The following PFKP variants were observed in gnomAD, a reference collection of about 807,000 sequenced individuals.
The protein encoded by PFKP is ATP-dependent 6-phosphofructokinase, platelet type.
Under a neutral mutation model 94.3 loss-of-function variants are expected in PFKP, and 101 were observed. That is an observed-to-expected ratio of 1.07 (90% CI 0.91 to 1.26). The LOEUF (loss-of-function observed/expected upper bound fraction) is 1.26. Among genes scored for constraint, PFKP ranks in the 50% most tolerant of loss-of-function variants. The pLI is 0.00. For synonymous variants in PFKP, 573 were observed against 432.6 expected (o/e 1.32, Z -4.03); for missense variants, 1,145 against 1,103.3 (o/e 1.04, Z -0.53).
chr10:3,115,403 G>A lies in PFKP; in HGVS notation c.1372-1373G>A, dbSNP rs12572060. On this transcript the variant is annotated intron_variant, in intron 13 of 21. Coordinates refer to ENST00000381125, the MANE Select transcript of PFKP (RefSeq NM_002627.5). ...CTGAGAACAGGACTGGGGATGCCGG[G>A]GTGAAGGTGTGTGTCCCGCCATGGA... Among the ~76,000 whole-genome samples, 582 of 59,976 alleles carry A rather than the reference G, an allele frequency of 9.7e-3. 27 individuals are homozygous for A. The highest frequency in any genetic ancestry group is 0.016 in the African/African-American group (341 of 21,218). 39.3% of individuals were successfully genotyped at this position (59,976 alleles called of 152,430 possible). A position where few individuals can be genotyped will look rare whatever the true frequency, so the allele number is the denominator to read the frequency against.
Position 3,133,237 on chromosome 10 carries a change from T to G in PFKP, c.1945T>G (p.Phe649Val). The stretch of plus-strand genomic sequence containing the variant: ...CTGCAGTGAAAACTACACCACCGAC[T>G]TCATTTACCAGCTGTATTCAGAAGA... Reference protein sequence around the residue: ...ESCSENYTTDFIYQLYSEEGK... With the variant: ...ESCSENYTTDVIYQLYSEEGK... The change falls in exon 19 of 22, where the codon TTC becomes GTC. Residue 649 changes from phenylalanine to valine, a missense_variant. Coordinates refer to ENST00000381125, the MANE Select transcript of PFKP (RefSeq NM_002627.5). 1 of 1,614,076 alleles carries G rather than the reference T, an allele frequency of 6.2e-7. No homozygotes were observed. The highest frequency in any genetic ancestry group is 8.5e-7 in the Non-Finnish European group (1 of 1,179,926).
chr10:3,107,647 T>G (rs1014751076), intron 8 of PFKP: 1 of 677,760 alleles, frequency 1.5e-6, no homozygotes, highest in Non-Finnish European at 1.8e-6. Context: ...GACTGACCAC[T>G]TGGCAGCCGA....
intron 1 of PFKP, among the ~76,000 whole-genome samples, chr10:3,073,409 C>T (rs1229651817): frequency 6.6e-6 from 1 of 151,906 alleles, no homozygotes; most frequent in Non-Finnish European, 1.5e-5. Context: ...TCCCAGCCTC[C>T]GTGTGCCCAG....
At chr10:3,083,383 A>G (rs1833239413) in intron 2 of PFKP, among the ~76,000 whole-genome samples, 1 of 145,612 alleles carries the variant, frequency 6.9e-6, no homozygotes, top group South Asian at 2.2e-4. Flanking sequence ...AGAAATTATT[A>G]GGAAAAATAT....
chr10:3,080,449 G>A (rs1327348412), intron 1 of PFKP, among the ~76,000 whole-genome samples: 1 of 149,912 alleles, frequency 6.7e-6, no homozygotes, highest in African/African-American at 2.5e-5. Flanking sequence ...CCTGGGAGGC[G>A]GAGCTTGCAG....
At chr10:3,068,566 G>T (rs1369058090) in intron 1 of PFKP, 7 of 610,470 alleles carry the variant, frequency 1.1e-5, no homozygotes, top group African/African-American at 6.0e-5. Context: ...CTGCAATGTG[G>T]AAGCTGCTCT....
In PFKP at chr10:3,136,569, G is replaced by C; in HGVS notation, c.2345G>C (p.Trp782Ser). Residue 782 changes from tryptophan to serine, a missense_variant, in exon 22 of 22, where the codon TGG becomes TCG. This residue lies in a region of PFKP where 20 missense variants were observed against 19.6 expected (regional missense o/e 1.02). Transcript: ENST00000381125. The stretch of plus-strand genomic sequence containing the variant: ...GGCCAGCTGGAACATGTGCAGCCCT[G>C]GAGTGTCTGACCCAGTCCCGCCTGC... ...DSGQLEHVQP[W>S]SV is the part of the protein sequence containing the mutation. 1 of 1,613,392 alleles carries C rather than the reference G, an allele frequency of 6.2e-7. No homozygotes were observed. The highest frequency in any genetic ancestry group is 8.5e-7 in the Non-Finnish European group (1 of 1,179,672).
intron 1 of PFKP, chr10:3,068,562 T>G: frequency 7.3e-6 from 4 of 546,016 alleles, no homozygotes; most frequent in Non-Finnish European, 9.3e-6. Context: ...TGCCCTGCAA[T>G]GTGGAAGCTG....
At chr10:3,136,190 G>C (rs774631190) in intron 21 of PFKP, among the ~76,000 whole-genome samples, 1 of 152,130 alleles carries the variant, frequency 6.6e-6, no homozygotes, top group African/African-American at 2.4e-5. Flanking sequence ...GCTTGAACCC[G>C]GGAGGCAGAG....
At chr10:3,078,066 G>A (rs914011441) in intron 1 of PFKP, among the ~76,000 whole-genome samples, 1 of 152,226 alleles carries the variant, frequency 6.6e-6, no homozygotes, top group Admixed American at 6.5e-5. Context: ...TTAGCCCCAG[G>A]ATGCCTGAGC....
chr10:3,118,835 G>A lies in PFKP; in HGVS notation c.1496G>A (p.Ser499Asn), dbSNP rs754348358. 3 of 1,613,618 alleles carry A rather than the reference G, an allele frequency of 1.9e-6. No individual in the cohort carries two copies. Among genetic ancestry groups the A allele is most frequent in the Non-Finnish European group, 2.5e-6 (3 of 1,179,666 alleles). Reference sequence around the variant, plus strand: ...ATCGCCACACAGATGCGCACGCACAGCATCAACGCGCTGCTGATCATCGGT... The same window carrying A: ...ATCGCCACACAGATGCGCACGCACAACATCAACGCGCTGCTGATCATCGGT... ...EEIATQMRTH[S>N]INALLIIGGF... The change falls in exon 15 of 22, where the codon AGC (serine) becomes AAC (asparagine). Residue 499 changes from serine to asparagine, a missense_variant. By Grantham distance (46) the Ser-to-Asn change is conservative. Coordinates refer to ENST00000381125, the MANE Select transcript of PFKP (RefSeq NM_002627.5).
At chr10:3,091,911 G>A (rs11251712) in intron 2 of PFKP, among the ~76,000 whole-genome samples, 1,626 of 152,306 alleles carry the variant, frequency 0.011, 30 homozygotes, top group African/African-American at 0.037. Context: ...CTAAAGAAAG[G>A]CTAGGAATAA....
chr10:3,134,137 G>A (rs1467861852), intron 19 of PFKP, among the ~76,000 whole-genome samples: 2 of 152,208 alleles, frequency 1.3e-5, no homozygotes, highest in Non-Finnish European at 2.9e-5. Flanking sequence ...GTAGGCATAT[G>A]TGTGATCTTC....
chr10:3,129,630 G>A, intron 16 of PFKP, 189 bp from the exon 17 acceptor site: 1 of 628,730 alleles, frequency 1.6e-6, no homozygotes, highest in Non-Finnish European at 2.7e-6. Flanking sequence ...GGGGTTGCGG[G>A]GGACCACGTT....
chr10:3,077,499 C>T (rs1433493428), intron 1 of PFKP, among the ~76,000 whole-genome samples: 3 of 151,786 alleles, frequency 2.0e-5, no homozygotes, highest in Non-Finnish European at 2.9e-5. Context: ...ATCTCCTGAC[C>T]TCGTGATCCG....
At chr10:3,130,683 C>T (rs1838473297) in intron 17 of PFKP, among the ~76,000 whole-genome samples, 1 of 152,174 alleles carries the variant, frequency 6.6e-6, no homozygotes, top group African/African-American at 2.4e-5. Context: ...CCTTAGCCTC[C>T]CAAGTAGCTG....
chr10:3,131,088 T>A (rs1029224527), intron 17 of PFKP, among the ~76,000 whole-genome samples: 1 of 151,978 alleles, frequency 6.6e-6, no homozygotes, highest in Admixed American at 6.6e-5. Context: ...AAAACATATC[T>A]TTTTACATAT....
chr10:3,111,788 C>T (rs747610629), intron 10 of PFKP, among the ~76,000 whole-genome samples: 36 of 152,140 alleles, frequency 2.4e-4, no homozygotes, highest in Non-Finnish European at 5.0e-4. Flanking sequence ...CCGCTGTGAC[C>T]TCGCTCCCAT....
In PFKP at chr10:3,136,759, G is replaced by C; in HGVS notation, c.*180G>C. The C allele has an allele frequency of 1.8e-6, 1 of 559,842 alleles. No individual in the cohort carries two copies. Among genetic ancestry groups the C allele is most frequent in the Admixed American group, 3.2e-5 (1 of 31,564 alleles). The allele number at this position is 559,842 out of a possible 1,614,324, so 34.7% of individuals were successfully genotyped here. On this transcript the variant is annotated 3_prime_UTR_variant, in exon 22 of 22. Transcript: ENST00000381125. ...TGGAGTGTGTCTCATGCTTTCAGAT[G>C]TGCATATGAGCAGAATTAATTAAAC...
Sources: allele counts gnomAD v4.1 joint callset (sites outside exome capture counted in the v4.1 genomes callset), GRCh38; gene constraint gnomAD v4.1.1; regional missense constraint gnomAD v4.1.1; transcripts MANE v1.5; gene names NCBI Gene and HGNC (gene_info 2026-07-23, HGNC 2026-07-21).